IL1R2: variants seen among roughly 807,000 people sequenced by gnomAD.
IL1R2 encodes interleukin 1 receptor type 2.
IL1R2 carries 46 observed loss-of-function variants against 39.5 expected under a neutral mutation model. That is an observed-to-expected ratio of 1.16 (90% confidence interval 0.92 to 1.49). IL1R2 has a LOEUF of 1.49. IL1R2 is among the 40% of genes most tolerant of loss of function. The probability of loss-of-function intolerance (pLI) is 0.00; values close to 1 mark genes in which losing one functional copy is unlikely to be tolerated. For synonymous variants in IL1R2, 207 were observed against 189.6 expected, an observed-to-expected ratio of 1.09 and a Z score of -0.75; for missense variants, 537 against 502.0, an observed-to-expected ratio of 1.07 and a Z score of -0.67.
At position 102,008,517 on chromosome 2, in the gene IL1R2, C is replaced by T. The variant is rs1161404876; in HGVS notation, c.-59C>T. 1.5e-6 allele frequency: 2 copies of T among 1,371,904 alleles called. No individual in the cohort carries two copies. Among genetic ancestry groups the T allele is most frequent in the Admixed American group, 3.4e-5 (2 of 59,668 alleles). 85.0% of individuals were successfully genotyped at this position (1,371,904 alleles called of 1,614,324 possible). On this transcript the variant is annotated splice_region_variant and 5_prime_UTR_variant, in exon 2 of 9. Transcript: ENST00000332549. ...GACACCTCTGTTTCCTCCCCTAGGC[C>T]ACGTGCTGCTGGGTCTCAGTCCTCC...
chr2:102,016,493 T>C lies in IL1R2; in HGVS notation c.513+442T>C, dbSNP rs116305902. ...TAGATATGTTTATATGTACAAAAAC[T>C]GACCACTGTGCTCCAATTGCCTACA... On this transcript the variant is annotated intron_variant, in intron 4 of 8. Coordinates refer to ENST00000332549, the MANE Select transcript of IL1R2 (RefSeq NM_004633.4). 1,307 of 160,004 alleles carry C rather than the reference T, an allele frequency of 8.2e-3. 21 individuals carry two copies. Among genetic ancestry groups the C allele is most frequent in the African/African-American group, 0.03 (1,248 of 41,592 alleles). 9.9% of individuals were successfully genotyped at this position (160,004 alleles called of 1,614,324 possible).
In IL1R2 at chr2:101,995,867, G is replaced by A. The variant is rs113377502; in HGVS notation, c.-62+3856G>A. ...TGTTTTGACACAAGTGCCGGAGGGT[G>A]GAGATTATTCCTATTTATCAGAAGC... On this transcript the variant is annotated intron_variant, in intron 1 of 8. Transcript: ENST00000332549. Among the ~76,000 whole-genome samples, 753 of 152,330 alleles carry A rather than the reference G, an allele frequency of 4.9e-3. 3 individuals are homozygous for A. The highest frequency in any genetic ancestry group is 0.024 in the Middle Eastern group (7 of 294).
chr2:102,013,549 AAAAG>A (rs1431025898), intron 3 of IL1R2, among the ~76,000 whole-genome samples: 1,457 of 138,406 alleles, frequency 0.011, 71 homozygotes, highest in African/African-American at 0.042. Flanking sequence ...AAAAAAAAAA[AAAAG>A]GAAAGAAAGA....
intron 1 of IL1R2, among the ~76,000 whole-genome samples, chr2:101,993,128 C>T (rs1675428611): frequency 6.6e-6 from 1 of 151,998 alleles, no homozygotes; most frequent in Admixed American, 6.6e-5. Flanking sequence ...TTAGAAGCCT[C>T]ATGAGATTTT....
At chr2:102,023,769 T>A (rs181673799) in intron 6 of IL1R2, 2 of 152,426 alleles carry the variant, frequency 1.3e-5, no homozygotes, top group Non-Finnish European at 2.9e-5. Context: ...AGTTTTTGGC[T>A]GGGCGTGGTG....
chr2:102,020,761 G>A (rs1472342310), intron 5 of IL1R2, among the ~76,000 whole-genome samples: 1 of 152,104 alleles, frequency 6.6e-6, no homozygotes, highest in Non-Finnish European at 1.5e-5. Flanking sequence ...GGACCGGCAC[G>A]GTCCTGTCTC....
chr2:102,021,609 C>T (rs3218956), intron 5 of IL1R2, among the ~76,000 whole-genome samples: 2,108 of 152,340 alleles, frequency 0.014, 62 homozygotes, highest in African/African-American at 0.048. Flanking sequence ...CCACTGCACC[C>T]GGCCACCTCC....
intron 7 of IL1R2, 121 bp from the exon 8 acceptor site, chr2:102,025,990 A>C (rs1677721493): frequency 2.7e-6 from 2 of 745,788 alleles, no homozygotes; most frequent in Non-Finnish European, 4.3e-6. Flanking sequence ...AACTTTATGA[A>C]ACTTGAAAAC....
chr2:102,028,428 G>A lies in IL1R2; in HGVS notation c.*36G>A, dbSNP rs3218987. 0.012 allele frequency: 17,466 copies of A among 1,515,410 alleles called. 1,521 individuals are homozygous for A. In the African/African-American group the frequency reaches 0.2, roughly 17 times the overall value. 93.9% of individuals were successfully genotyped at this position (1,515,410 alleles called of 1,614,324 possible). Reference sequence around the variant, plus strand: ...ATGAAATAATTCAAACACAAACTCCGTACGTCTTCTCTTATGGAAGTGGCT... The same window carrying A: ...ATGAAATAATTCAAACACAAACTCCATACGTCTTCTCTTATGGAAGTGGCT... On this transcript the variant is annotated 3_prime_UTR_variant, in exon 9 of 9. Coordinates refer to ENST00000332549, the MANE Select transcript of IL1R2 (RefSeq NM_004633.4).
At chr2:102,010,084 C>G (rs948951554) in intron 3 of IL1R2, 10 of 509,716 alleles carry the variant, frequency 2.0e-5, no homozygotes, top group Non-Finnish European at 3.2e-5. Context: ...CTCTGTCACT[C>G]TCTCCTTACC....
At chr2:102,017,123 C>A (rs3218916) in intron 4 of IL1R2, among the ~76,000 whole-genome samples, 1 of 151,942 alleles carries the variant, frequency 6.6e-6, no homozygotes, top group Admixed American at 6.6e-5. Context: ...GACAGCTGGG[C>A]GTGGTGGCTC....
chr2:102,000,479 C>T lies in IL1R2; in HGVS notation c.-61-8036C>T, dbSNP rs148041096. On this transcript the variant is annotated intron_variant, in intron 1 of 8. Coordinates refer to ENST00000332549, the MANE Select transcript of IL1R2 (RefSeq NM_004633.4). Reference sequence around the variant, plus strand: ...CTTCTTTGGAGCTTCCCCACAGGGTCGAATATGACTAATAAATGAAGTTAA... The same window carrying T: ...CTTCTTTGGAGCTTCCCCACAGGGTTGAATATGACTAATAAATGAAGTTAA... Among the ~76,000 whole-genome samples the T allele has an allele frequency of 4.2e-3, 645 of 152,204 alleles. 7 individuals carry two copies. The highest frequency in any genetic ancestry group is 0.014 in the African/African-American group (593 of 41,486).
At chr2:102,021,377 G>A (rs943456940) in intron 5 of IL1R2, among the ~76,000 whole-genome samples, 1 of 149,194 alleles carries the variant, frequency 6.7e-6, no homozygotes, top group Non-Finnish European at 1.5e-5. Context: ...GTGCAATGGC[G>A]CGATCTCGGC....
Position 102,024,623 on chromosome 2 carries a change from T to C in IL1R2, c.842T>C (p.Ile281Thr). 6.2e-7 allele frequency: 1 copy of C among 1,613,994 alleles called. No homozygotes were observed. Among genetic ancestry groups the C allele is most frequent in the South Asian group, 1.1e-5 (1 of 91,068 alleles). Residue 281 changes from isoleucine to threonine, a missense_variant, in exon 7 of 9, where the codon ATA becomes ACA. Transcript: ENST00000332549. The stretch of plus-strand genomic sequence containing the variant: ...TGGTGGACGGCCAATGACACCCACA[T>C]AGAGAGCGCCTACCCGGGAGGCCGC... The part of the protein sequence containing the change: ...MLWWTANDTH[I>T]ESAYPGGRVT...
In IL1R2 at chr2:101,997,170, C is replaced by G. The variant is rs1675632109; in HGVS notation, c.-62+5159C>G. On this transcript the variant is annotated intron_variant, in intron 1 of 8. Transcript: ENST00000332549. ...CTGGACCTTCCTGGTCATGAGGTGT[C>G]CTGTGGAATCTACTGCTGGCGTCTG... 2.0e-5 allele frequency among the ~76,000 whole-genome samples: 3 copies of G among 152,250 alleles called. No homozygotes were observed. In the South Asian group the frequency reaches 6.2e-4, roughly 32 times the overall value.
intron 5 of IL1R2, among the ~76,000 whole-genome samples, chr2:102,021,311 T>TC (rs1677380405): frequency 1.3e-5 from 2 of 150,676 alleles, no homozygotes; most frequent in South Asian, 4.2e-4. Context: ...TTTTCTTTTT[T>TC]TTTTTTTTTT....
intron 5 of IL1R2, among the ~76,000 whole-genome samples, chr2:102,020,935 A>G (rs1390202853): frequency 1.3e-5 from 2 of 152,076 alleles, no homozygotes; most frequent in Admixed American, 1.3e-4. Flanking sequence ...GTGGAGACCT[A>G]CTGATTGAAA....
At chr2:101,994,543 C>T (rs951045076) in intron 1 of IL1R2, among the ~76,000 whole-genome samples, 6 of 152,194 alleles carry the variant, frequency 3.9e-5, no homozygotes, top group Non-Finnish European at 7.3e-5. Flanking sequence ...TTCAGTAAGT[C>T]CTGGTTGGCG....
In IL1R2 at chr2:102,028,339, G is replaced by A. The variant is rs138160797; in HGVS notation, c.1144G>A (p.Gly382Ser). The A allele has an allele frequency of 1.2e-6, 2 of 1,610,198 alleles. No individual in the cohort carries two copies. Among genetic ancestry groups the A allele is most frequent in the African/African-American group, 2.7e-5 (2 of 74,880 alleles). Residue 382 changes from glycine (G) to serine (S), a missense_variant, in exon 9 of 9, where the codon GGT becomes AGT. Gly to Ser is a moderately conservative substitution (Grantham distance 56). Transcript: ENST00000332549. ...RCKHRTGKAD[G>S]LTVLWPHHQD... ...CAAACACAGAACTGGAAAAGCAGAT[G>A]GTCTGACTGTGCTATGGCCTCATCA...
Sources: gnomAD v4.1 joint callset for allele counts (sites outside exome capture counted in the v4.1 genomes callset) on GRCh38, gnomAD v4.1.1 for gene constraint, MANE v1.5 for transcripts, NCBI Gene and HGNC (gene_info 2026-07-23, HGNC 2026-07-21) for gene names.